Variants in TANC1 observed in about 807,000 individuals in gnomAD.
The protein encoded by TANC1 is tetratricopeptide repeat, ankyrin repeat and coiled-coil containing 1.
TANC1 carries 77 observed loss-of-function variants against 149.7 expected under a neutral mutation model. The ratio of observed to expected loss-of-function variants is 0.51; its 90% confidence interval spans 0.43 to 0.62. The LOEUF is 0.62. Ranked by LOEUF, TANC1 falls within the 20% of genes least tolerant of loss-of-function variation. The probability of loss-of-function intolerance (pLI) is 0.00; values close to 1 mark genes in which losing one functional copy is unlikely to be tolerated. For missense variants in TANC1, 1,985 were observed against 2,321.8 expected (o/e 0.85, Z 2.98); for synonymous variants, 854 against 925.0 (o/e 0.92, Z 1.39).
At chr2:159,116,714 G>A (rs534861146) in intron 4 of TANC1, among the ~76,000 whole-genome samples, 6 of 152,174 alleles carry the variant, frequency 3.9e-5, no homozygotes, top group Non-Finnish European at 8.8e-5. Flanking sequence ...TTTGGCCCCT[G>A]GGCTGTAGTT....
chr2:159,184,286 T>C (rs1049946316), intron 14 of TANC1, among the ~76,000 whole-genome samples: 1 of 152,164 alleles, frequency 6.6e-6, no homozygotes, highest in African/African-American at 2.4e-5. Context: ...CAGATTGTCT[T>C]AGAAGGGGAT....
intron 6 of TANC1, 83 bp from the exon 7 acceptor site, chr2:159,150,287 T>C (rs1263294978): frequency 3.4e-6 from 4 of 1,163,324 alleles, no homozygotes; most frequent in Admixed American, 4.8e-5. Context: ...TTCTTAGTTT[T>C]ATTGTTTTAG....
chr2:159,057,802 G>T (rs1052468196), intron 2 of TANC1, among the ~76,000 whole-genome samples: 4 of 152,144 alleles, frequency 2.6e-5, no homozygotes, highest in African/African-American at 4.8e-5. Context: ...GATGAAGAAG[G>T]CTTCGAAGAT....
chr2:159,108,167 TTTCCCCATATCCAG>T (rs1298426556), intron 4 of TANC1, among the ~76,000 whole-genome samples: 3 of 152,256 alleles, frequency 2.0e-5, no homozygotes, highest in Non-Finnish European at 1.5e-5. Flanking sequence ...GGAATGTACC[TTTCCCCATATCCAG>T]AGAAAAGTGA....
intron 16 of TANC1, among the ~76,000 whole-genome samples, chr2:159,190,426 C>T (rs2057355579): frequency 1.3e-5 from 2 of 152,212 alleles, no homozygotes; most frequent in South Asian, 2.1e-4. Context: ...CTTCTCTACT[C>T]CTCTTGCTGA....
At chr2:158,972,415 A>G (rs894821076) in intron 1 of TANC1, among the ~76,000 whole-genome samples, 2 of 152,126 alleles carry the variant, frequency 1.3e-5, no homozygotes, top group African/African-American at 2.4e-5. Flanking sequence ...CATGCTAAAT[A>G]CATCCTTCCC....
intron 2 of TANC1, among the ~76,000 whole-genome samples, chr2:159,006,017 G>A (rs570608414): frequency 1.6e-4 from 25 of 152,050 alleles, no homozygotes; most frequent in South Asian, 1.0e-3. Context: ...TGTTATGGCC[G>A]GGCGCAGTGA....
intron 2 of TANC1, among the ~76,000 whole-genome samples, chr2:159,061,634 T>C (rs920654061): frequency 6.6e-6 from 1 of 152,238 alleles, no homozygotes; most frequent in African/African-American, 2.4e-5. Context: ...TCTTGTGTCA[T>C]GCAAAACTTT....
chr2:158,990,048 T>A (rs1327413348), intron 1 of TANC1, among the ~76,000 whole-genome samples: 1 of 152,094 alleles, frequency 6.6e-6, no homozygotes, highest in Non-Finnish European at 1.5e-5. Context: ...CCTGAGTAGC[T>A]GGGGTTACAG....
At chr2:159,138,064 G>A (rs2050951829) in intron 5 of TANC1, among the ~76,000 whole-genome samples, 1 of 152,188 alleles carries the variant, frequency 6.6e-6, no homozygotes, top group African/African-American at 2.4e-5. Context: ...TGTGGGCTGA[G>A]CTAAATTTCA....
intron 9 of TANC1, among the ~76,000 whole-genome samples, chr2:159,170,228 T>C (rs1460715419): frequency 6.6e-6 from 1 of 152,186 alleles, no homozygotes; most frequent in Non-Finnish European, 1.5e-5. Flanking sequence ...CTCACATGGC[T>C]TTCTCTAATC....
intron 11 of TANC1, among the ~76,000 whole-genome samples, 158 bp from the exon 12 acceptor site, chr2:159,174,795 T>A (rs1442028069): frequency 2.0e-5 from 3 of 152,168 alleles, no homozygotes; most frequent in African/African-American, 7.2e-5. Context: ...AAGGAAGGAA[T>A]AAATGGAACA....
At chr2:159,221,152 A>G (rs560848148) in intron 22 of TANC1, among the ~76,000 whole-genome samples, 1 of 152,268 alleles carries the variant, frequency 6.6e-6, no homozygotes, top group Non-Finnish European at 1.5e-5. Flanking sequence ...GGAGTTCGAG[A>G]TTAAGCGAAC....
At chr2:159,074,740 A>G (rs2149748327) in intron 3 of TANC1, among the ~76,000 whole-genome samples, 1 of 152,222 alleles carries the variant, frequency 6.6e-6, no homozygotes, top group East Asian at 1.9e-4. Context: ...CTGCCGTAAC[A>G]AAGCACCATT....
chr2:159,157,033 C>T (rs1234399377), intron 7 of TANC1, among the ~76,000 whole-genome samples: 1 of 152,210 alleles, frequency 6.6e-6, no homozygotes. Flanking sequence ...CTAGAAATTT[C>T]GTACAGAGAT....
intron 3 of TANC1, among the ~76,000 whole-genome samples, chr2:159,094,581 T>G (rs957699055): frequency 6.6e-5 from 10 of 152,166 alleles, no homozygotes; most frequent in African/African-American, 2.4e-4. Flanking sequence ...AAGATCTGTT[T>G]CCTCGCCAGA....
chr2:159,187,110 C>G (rs920520936), intron 16 of TANC1, 86 bp downstream of exon 16: 14 of 1,525,796 alleles, frequency 9.2e-6, no homozygotes, highest in Admixed American at 5.7e-5. Flanking sequence ...TCCCTCTGCC[C>G]TGGGTGGTGG....
rs113221417 is a variant in TANC1 at position 159,016,495 on chromosome 2, T to C, written c.-16+15306T>C. The stretch of plus-strand genomic sequence containing the variant: ...AGCAAAGATCTGGGGTCACAGTCTC[T>C]TTCTGTCTCCTAATTCAGTACCTTC... On this transcript the variant is annotated intron_variant, in intron 2 of 26. Transcript: ENST00000263635. Among the ~76,000 whole-genome samples, 349 of 152,292 alleles carry C rather than the reference T, an allele frequency of 2.3e-3. 3 individuals are homozygous for C. The highest frequency in any genetic ancestry group is 7.7e-3 in the African/African-American group (322 of 41,558).
chr2:159,165,944 G>A (rs773324517), intron 8 of TANC1, among the ~76,000 whole-genome samples: 1 of 152,212 alleles, frequency 6.6e-6, no homozygotes, highest in Non-Finnish European at 1.5e-5. Flanking sequence ...TAACCATGTA[G>A]TACAGTGACA....
Sources: gnomAD v4.1 joint callset for allele counts (sites outside exome capture counted in the v4.1 genomes callset) on GRCh38, gnomAD v4.1.1 for gene constraint, MANE v1.5 for transcripts, NCBI Gene and HGNC (gene_info 2026-07-23, HGNC 2026-07-21) for gene names.